MYOF: variants seen among roughly 807,000 people sequenced by gnomAD.
MYOF encodes the protein myoferlin.
In MYOF, 244 loss-of-function variants were observed where a neutral mutation model predicts 284.2. The observed-to-expected ratio is 0.86, with a 90% CI of 0.77 to 0.95. MYOF has a LOEUF of 0.95. MYOF is among the 40% of genes least tolerant of loss of function. The pLI, the probability that MYOF is intolerant of heterozygous loss-of-function variation, is 0.00. For missense variants in MYOF, 2,496 were observed against 2,560.6 expected (o/e 0.97, Z 0.54); for synonymous variants, 904 against 919.7 (o/e 0.98, Z 0.31).
intron 11 of MYOF, 150 bp from the exon 12 acceptor site, chr10:93,401,694 C>A: frequency 9.9e-7 from 1 of 1,014,426 alleles, no homozygotes; most frequent in Non-Finnish European, 1.4e-6. Flanking sequence ...CCATCAGCCA[C>A]CAGTTTTCCT....
intron 45 of MYOF, among the ~76,000 whole-genome samples, chr10:93,326,318 G>A (rs1308902825): frequency 1.3e-5 from 2 of 152,182 alleles, no homozygotes; most frequent in Non-Finnish European, 2.9e-5. Context: ...TTCAGCCAGA[G>A]GGTAACATGG....
chr10:93,307,507 A>G (rs1036516825), intron 53 of MYOF, among the ~76,000 whole-genome samples: 15 of 151,956 alleles, frequency 9.9e-5, no homozygotes, highest in African/African-American at 3.4e-4. Flanking sequence ...TCACTGTGTT[A>G]GCCAGGATGG....
chr10:93,467,846 CCAT>C (rs2057048300), intron 1 of MYOF, among the ~76,000 whole-genome samples: 1 of 152,124 alleles, frequency 6.6e-6, no homozygotes, highest in South Asian at 2.1e-4. Context: ...AAACTGGAAA[CCAT>C]CATTCTCAGC....
chr10:93,333,673 C>G, intron 42 of MYOF, 85 bp downstream of exon 42: 1 of 1,528,444 alleles, frequency 6.5e-7, no homozygotes, highest in Non-Finnish European at 8.9e-7. Context: ...TAACAGACGC[C>G]CAGAAAGAAA....
intron 38 of MYOF, among the ~76,000 whole-genome samples, chr10:93,341,159 G>C (rs1461064988): frequency 6.6e-6 from 1 of 152,198 alleles, no homozygotes; most frequent in Non-Finnish European, 1.5e-5. Context: ...ATTTTGGAGA[G>C]AGTGATTTTA....
At position 93,323,075 on chromosome 10, in the gene MYOF, T is replaced by C. The variant is rs17108471; in HGVS notation, c.5456+3A>G. 13,648 of 1,612,714 alleles carry C rather than the reference T, an allele frequency of 8.5e-3. 1,062 individuals carry two copies. In the African/African-American group the frequency reaches 0.16, roughly 19 times the overall value. On this transcript the variant is annotated splice_donor_region_variant and intron_variant, in intron 48 of 53. Transcript: ENST00000359263. ...GGCAAAGTCTCTCACATGCTAACCT[T>C]ACCCTTTGACGTAGATGTCACTCAT...
At chr10:93,439,570 G>T (rs752759622) in intron 3 of MYOF, among the ~76,000 whole-genome samples, 1 of 152,206 alleles carries the variant, frequency 6.6e-6, no homozygotes, top group African/African-American at 2.4e-5. Flanking sequence ...GGAACGTGGA[G>T]GCAGGCAGGC....
intron 46 of MYOF, chr10:93,324,195 C>T (rs1443777095): frequency 1.3e-5 from 2 of 152,208 alleles, no homozygotes; most frequent in African/African-American, 4.8e-5. Context: ...ATCAACCGTA[C>T]AAACCAATTT....
chr10:93,431,657 C>T (rs1298595446), intron 3 of MYOF, 141 bp from the exon 4 acceptor site: 1 of 609,894 alleles, frequency 1.6e-6, no homozygotes, highest in South Asian at 2.1e-5. Flanking sequence ...TGCTATTAGC[C>T]TCGCAGGGCA....
intron 1 of MYOF, among the ~76,000 whole-genome samples, chr10:93,470,062 C>T (rs1489745125): frequency 1.3e-5 from 2 of 151,796 alleles, no homozygotes; most frequent in Non-Finnish European, 2.9e-5. Context: ...AACCCAGTCT[C>T]TGCTAAAAAA....
chr10:93,360,776 C>T (rs556375605), intron 28 of MYOF, among the ~76,000 whole-genome samples: 6 of 152,276 alleles, frequency 3.9e-5, no homozygotes, highest in South Asian at 4.1e-4. Flanking sequence ...CTCTTTTCTG[C>T]GTCAGGGGGG....
intron 4 of MYOF, among the ~76,000 whole-genome samples, chr10:93,429,808 G>T (rs1282431186): frequency 1.3e-5 from 2 of 152,146 alleles, no homozygotes; most frequent in East Asian, 3.8e-4. Context: ...GTATCTTTAT[G>T]AGTGCTTCTT....
At position 93,381,265 on chromosome 10, in the gene MYOF, A is replaced by G. The variant is rs200560281; in HGVS notation, c.1830T>C (p.Cys610=). 1 of 1,614,212 alleles carries G rather than the reference A, an allele frequency of 6.2e-7. No homozygotes were observed. Among genetic ancestry groups the G allele is most frequent in the African/African-American group, 1.3e-5 (1 of 75,054 alleles). ...GNYGNKFDTT[C]KPLASTTQYS... ...ACTGAGTTGTTGATGCCAAAGGCTT[A>G]CAGGTGGTGTCAAACTTGTTGCCAT... Residue 610 remains cysteine (C), a synonymous_variant, in exon 20 of 54, where the codon TGT becomes TGC. Coordinates refer to ENST00000359263, the MANE Select transcript of MYOF (RefSeq NM_013451.4).
At chr10:93,318,475 C>T (rs1018553087) in intron 49 of MYOF, among the ~76,000 whole-genome samples, 3 of 151,954 alleles carry the variant, frequency 2.0e-5, no homozygotes, top group Admixed American at 6.6e-5. Flanking sequence ...TAAAACAGTG[C>T]TGGCTGGGCA....
At chr10:93,468,297 G>T (rs2057057018) in intron 1 of MYOF, among the ~76,000 whole-genome samples, 1 of 152,216 alleles carries the variant, frequency 6.6e-6, no homozygotes, top group South Asian at 2.1e-4. Context: ...CAGCTGAGGA[G>T]GTAGGGCCTA....
intron 9 of MYOF, among the ~76,000 whole-genome samples, chr10:93,403,381 A>G (rs957761333): frequency 1.3e-5 from 2 of 152,162 alleles, no homozygotes; most frequent in Non-Finnish European, 2.9e-5. Flanking sequence ...AATTTTCTCA[A>G]TGATCCCATT....
At chr10:93,373,862 CT>C in intron 23 of MYOF, among the ~76,000 whole-genome samples, 1 of 152,220 alleles carries the variant, frequency 6.6e-6, no homozygotes, top group East Asian at 1.9e-4. Flanking sequence ...CCCTTTACAC[CT>C]ACCATTTTTT....
chr10:93,373,519 CTCTT>C (rs1019976326), intron 23 of MYOF, among the ~76,000 whole-genome samples: 2 of 133,168 alleles, frequency 1.5e-5, no homozygotes, highest in African/African-American at 5.5e-5. Context: ...TTTCAAAAAC[CTCTT>C]TTTTTATTAT....
chr10:93,309,632 G>C (rs1160791113), intron 53 of MYOF, among the ~76,000 whole-genome samples: 1 of 152,148 alleles, frequency 6.6e-6, no homozygotes, highest in African/African-American at 2.4e-5. Context: ...AATGAACCCA[G>C]ATTTGGGGAT....
Sources: allele counts gnomAD v4.1 joint callset (sites outside exome capture counted in the v4.1 genomes callset), GRCh38; gene constraint gnomAD v4.1.1; transcripts MANE v1.5; gene names NCBI Gene and HGNC (gene_info 2026-07-23, HGNC 2026-07-21).